Variants in LRRC37A3 observed in about 807,000 individuals in gnomAD.
The protein encoded by LRRC37A3 is leucine rich repeat containing 37 member A3.
Under a neutral mutation model 106.2 loss-of-function variants are expected in LRRC37A3, and 25 were observed. The ratio of observed to expected loss-of-function variants is 0.24; its 90% CI spans 0.17 to 0.33. The LOEUF is 0.33. Among genes scored for constraint, LRRC37A3 ranks in the 10% least tolerant of loss-of-function variants. The pLI is 1.00. For missense variants in LRRC37A3, 712 were observed against 1,644.9 expected (o/e 0.43, Z 9.81); for synonymous variants, 305 against 635.8 (o/e 0.48, Z 7.83).
chr17:64,899,935 T>C (rs1974259839), intron 2 of LRRC37A3: 1 of 150,280 alleles, frequency 6.7e-6, no homozygotes, highest in Non-Finnish European at 1.5e-5. Context: ...GAGTTTCACA[T>C]TTTCCTGAGA....
At chr17:64,916,876 AT>A (rs1288885838) in intron 2 of LRRC37A3, among the ~76,000 whole-genome samples, 7 of 151,364 alleles carry the variant, frequency 4.6e-5, no homozygotes, top group African/African-American at 1.7e-4. Flanking sequence ...GCTCAGAACC[AT>A]TAGTCATTAG....
chr17:64,855,934 C>G, intron 13 of LRRC37A3, 45 bp from the exon 14 acceptor site: 1 of 1,611,098 alleles, frequency 6.2e-7, no homozygotes, highest in South Asian at 1.1e-5. Context: ...TGACAACAAC[C>G]ACCATCTCCA....
At chr17:64,879,990 TCA>T (rs1463736444) in intron 8 of LRRC37A3, among the ~76,000 whole-genome samples, 5 of 152,040 alleles carry the variant, frequency 3.3e-5, no homozygotes, top group Non-Finnish European at 5.9e-5. Context: ...CAAAATTCTC[TCA>T]CTCTCCAACC....
At chr17:64,893,652 T>C (rs1483012792) in intron 4 of LRRC37A3, among the ~76,000 whole-genome samples, 1 of 135,662 alleles carries the variant, frequency 7.4e-6, no homozygotes, top group Non-Finnish European at 1.5e-5. Context: ...CCTATCATTT[T>C]TTTTTTTTTT....
chr17:64,901,249 TA>T (rs1974301541), intron 2 of LRRC37A3: 1 of 151,304 alleles, frequency 6.6e-6, no homozygotes, highest in Non-Finnish European at 1.5e-5. Context: ...TAAGGAATAA[TA>T]ACATAAGAAA....
Position 64,890,558 on chromosome 17 carries a change from G to A in LRRC37A3, c.2682-806C>T, listed in dbSNP as rs1194138251. Among the ~76,000 whole-genome samples the A allele has an allele frequency of 2.1e-4, 22 of 105,072 alleles. 1 individual carries two copies. Among genetic ancestry groups the A allele is most frequent in the South Asian group, 1.4e-3 (4 of 2,930 alleles). 68.9% of individuals were successfully genotyped at this position (105,072 alleles called of 152,430 possible). A position where few individuals can be genotyped will look rare whatever the true frequency, so the allele number is the denominator to read the frequency against. On this transcript the variant is annotated intron_variant, in intron 5 of 14. Coordinates refer to ENST00000584306, the MANE Select transcript of LRRC37A3 (RefSeq NM_199340.5). Reference sequence around the variant, plus strand: ...TTTTAAAATGTAGTTCTGGCCTGGCGTGGTGGCTCATGCCTGTAATCCCAG... The same window carrying A: ...TTTTAAAATGTAGTTCTGGCCTGGCATGGTGGCTCATGCCTGTAATCCCAG...
intron 8 of LRRC37A3, among the ~76,000 whole-genome samples, chr17:64,875,099 A>T (rs963874655): frequency 6.6e-6 from 1 of 152,172 alleles, no homozygotes; most frequent in Non-Finnish European, 1.5e-5. Context: ...CAATAAAAAA[A>T]ATTAAAAAAA....
In LRRC37A3 at chr17:64,862,941, A is replaced by G; in HGVS notation, c.3131T>C (p.Leu1044Pro). The G allele has an allele frequency of 6.3e-7, 1 of 1,599,148 alleles. No individual in the cohort carries two copies. The highest frequency in any genetic ancestry group is 2.2e-5 in the East Asian group (1 of 44,886). ...SIEAVCKTVK[L>P]HCNSACLTNT... ...TGTCAGACATGCACTGTTGCAATGC[A>G]GCTTGACTGTCTTGCAGACAGCCTC... The change falls in exon 11 of 15, where the codon CTG (leucine) becomes CCG (proline). Residue 1044 changes from leucine to proline, a missense_variant. By Grantham distance (98) the Leu-to-Pro change is moderately conservative. Coordinates refer to ENST00000584306, the MANE Select transcript of LRRC37A3 (RefSeq NM_199340.5).
chr17:64,854,598 C>T lies in LRRC37A3; in HGVS notation c.*1G>A. ...GGCCTGAGGTGGGCTGGGTTCTCCTCCTATGGCAGGGCTTCACTCTCCTCC... is the reference window on the plus strand; with the variant it reads ...GGCCTGAGGTGGGCTGGGTTCTCCTTCTATGGCAGGGCTTCACTCTCCTCC... On this transcript the variant is annotated 3_prime_UTR_variant, in exon 15 of 15. Coordinates refer to ENST00000584306, the MANE Select transcript of LRRC37A3 (RefSeq NM_199340.5). 1 of 1,613,912 alleles carries T rather than the reference C, an allele frequency of 6.2e-7. No homozygotes were observed. Among genetic ancestry groups the T allele is most frequent in the Non-Finnish European group, 8.5e-7 (1 of 1,179,858 alleles).
rs561823159 is a variant in LRRC37A3 at position 64,867,911 on chromosome 17, T to A, written c.3053+551A>T. ...CAACATGGCGAAACCTTGTCTCTACTAAAAATACAAAAATTAGCCAGGCAT... is the reference window on the plus strand; with the variant it reads ...CAACATGGCGAAACCTTGTCTCTACAAAAAATACAAAAATTAGCCAGGCAT... On this transcript the variant is annotated intron_variant, in intron 10 of 14. Coordinates refer to ENST00000584306, the MANE Select transcript of LRRC37A3 (RefSeq NM_199340.5). 1.1e-4 allele frequency among the ~76,000 whole-genome samples: 17 copies of A among 152,172 alleles called. No homozygotes were observed. In the East Asian group the frequency reaches 2.5e-3, roughly 22 times the overall value.
At chr17:64,914,490 TG>T (rs1339377417) in intron 2 of LRRC37A3, among the ~76,000 whole-genome samples, 2 of 150,782 alleles carry the variant, frequency 1.3e-5, no homozygotes, top group Non-Finnish European at 3.0e-5. Flanking sequence ...ACCTGGGAGG[TG>T]GAGGCTTCAG....
chr17:64,878,791 A>G (rs1326465950), intron 8 of LRRC37A3, among the ~76,000 whole-genome samples: 1 of 152,246 alleles, frequency 6.6e-6, no homozygotes, highest in African/African-American at 2.4e-5. Context: ...AAAGTTAAAC[A>G]TAAGAGTTGC....
chr17:64,867,025 G>A (rs1010868512), intron 10 of LRRC37A3, among the ~76,000 whole-genome samples: 8 of 151,716 alleles, frequency 5.3e-5, no homozygotes, highest in African/African-American at 1.9e-4. Flanking sequence ...ACCTAAATGT[G>A]TATCATTTCT....
In LRRC37A3 at chr17:64,914,879, AG is replaced by A. The variant is rs1430460559; in HGVS notation, c.-496+3870del. Among the ~76,000 whole-genome samples the A allele has an allele frequency of 1.0e-4, 15 of 148,104 alleles. No individual in the cohort carries two copies. In the Admixed American group the frequency reaches 1.0e-3, roughly 10 times the overall value. On this transcript the variant is annotated intron_variant, in intron 2 of 14. Transcript: ENST00000584306. The stretch of plus-strand genomic sequence containing the variant: ...ACATTATGTTAAGTGAAATAGGCCA[AG>A]GGCAGAAAGACAAGTATCACATATT...
chr17:64,909,191 A>G (rs1567786741), intron 2 of LRRC37A3, among the ~76,000 whole-genome samples: 1 of 152,258 alleles, frequency 6.6e-6, no homozygotes, highest in Admixed American at 6.5e-5. Flanking sequence ...AGTAAAAATT[A>G]ATACACATTA....
intron 6 of LRRC37A3, among the ~76,000 whole-genome samples, chr17:64,887,603 C>T (rs1307188052): frequency 0.018 from 652 of 35,410 alleles, 140 homozygotes; most frequent in African/African-American, 0.12. Context: ...AAATAAAAGA[C>T]ATCCTTTCAC....
chr17:64,876,235 T>C (rs1361597948), intron 8 of LRRC37A3, among the ~76,000 whole-genome samples: 4 of 152,210 alleles, frequency 2.6e-5, no homozygotes, highest in Non-Finnish European at 5.9e-5. Context: ...CAGGCTGGAG[T>C]GCAGTGGCAC....
Position 64,860,730 on chromosome 17 carries a change from A to G in LRRC37A3, c.3416T>C (p.Leu1139Pro). The G allele has an allele frequency of 3.1e-6, 5 of 1,614,048 alleles. No individual in the cohort carries two copies. Among genetic ancestry groups the G allele is most frequent in the Non-Finnish European group, 4.2e-6 (5 of 1,179,918 alleles). ...AVNLDVKSLL[L>P]PFIKLPTTGN... The stretch of plus-strand genomic sequence containing the variant: ...TGTGGTTGGCAGTTTAATGAACGGT[A>G]GTAACAGTGATTTCACATCTAGGTT... The change falls in exon 12 of 15, where the codon CTA (leucine) becomes CCA (proline). Residue 1139 changes from leucine (L) to proline (P), a missense_variant. Leu to Pro is a moderately conservative substitution (Grantham distance 98). Transcript: ENST00000584306.
rs148835942 is a variant in LRRC37A3, at chr17:64,860,222, G to C, written c.3924C>G (p.His1308Gln). The change falls in exon 12 of 15, where the codon CAC becomes CAG. Residue 1308 changes from histidine to glutamine, a missense_variant. His to Gln is a conservative substitution (Grantham distance 24). Coordinates refer to ENST00000584306, the MANE Select transcript of LRRC37A3 (RefSeq NM_199340.5). ...TGTGGGTCATGCGGGAGCGAGTTTT[G>C]TGAAAGCGGTATTTTTTTCTGGAAT... ...IVHSRKKYRF[H>Q]KTRSRMTHRT... 3,756 of 1,613,954 alleles carry C rather than the reference G, an allele frequency of 2.3e-3. 78 individuals are homozygous for C. In the African/African-American group the frequency reaches 0.044, roughly 19 times the overall value.
Sources: gnomAD v4.1 joint callset for allele counts (sites outside exome capture counted in the v4.1 genomes callset) on GRCh38, gnomAD v4.1.1 for gene constraint, MANE v1.5 for transcripts, NCBI Gene and HGNC (gene_info 2026-07-23, HGNC 2026-07-21) for gene names.